The following PPFIBP2 variants were observed in gnomAD, a reference collection of about 807,000 sequenced individuals.
PPFIBP2 encodes liprin-beta-2.
A neutral mutation model predicts 118.3 loss-of-function variants in PPFIBP2; 118 were observed. The observed-to-expected ratio is 1.00, with a 90% CI of 0.86 to 1.16. The LOEUF is 1.16. PPFIBP2 is among the 50% of genes most tolerant of loss of function. PPFIBP2 has a pLI of 0.00. For missense variants in PPFIBP2, 1,195 were observed against 1,073.1 expected (o/e 1.11, Z -1.59); for synonymous variants, 414 against 397.4 (o/e 1.04, Z -0.50).
At chr11:7,601,013 G>A (rs555050158) in intron 5 of PPFIBP2, among the ~76,000 whole-genome samples, 1 of 152,286 alleles carries the variant, frequency 6.6e-6, no homozygotes, top group African/African-American at 2.4e-5. Context: ...AACTCCAGGG[G>A]GACTTGGGGA....
At chr11:7,582,776 C>T (rs772441007) in intron 3 of PPFIBP2, among the ~76,000 whole-genome samples, 6 of 152,044 alleles carry the variant, frequency 3.9e-5, no homozygotes, top group Non-Finnish European at 5.9e-5. Flanking sequence ...TCCCTTTCAC[C>T]GCAAAATGTA....
At chr11:7,545,009 G>A (rs1467102943) in intron 1 of PPFIBP2, among the ~76,000 whole-genome samples, 2 of 152,134 alleles carry the variant, frequency 1.3e-5, no homozygotes, top group African/African-American at 4.8e-5. Context: ...TGAACGCACT[G>A]CATGTCATCA....
At chr11:7,530,616 T>A (rs1850603686) in intron 1 of PPFIBP2, among the ~76,000 whole-genome samples, 2 of 152,242 alleles carry the variant, frequency 1.3e-5, no homozygotes, top group Non-Finnish European at 2.9e-5. Context: ...TGCTGGTGCC[T>A]TGATCCTGGG....
At chr11:7,609,972 T>C (rs957431782) in intron 5 of PPFIBP2, among the ~76,000 whole-genome samples, 1 of 152,202 alleles carries the variant, frequency 6.6e-6, no homozygotes, top group Non-Finnish European at 1.5e-5. Context: ...AATTGAGAAA[T>C]TTCGTTCTTT....
intron 9 of PPFIBP2, 77 bp from the exon 10 acceptor site, chr11:7,629,382 A>G: frequency 7.2e-7 from 1 of 1,381,620 alleles, no homozygotes; most frequent in Non-Finnish European, 1.0e-6. Context: ...TGCCAAGAAC[A>G]TAGCGTGGGT....
rs1307480543 is a variant in PPFIBP2, at chr11:7,549,563, C to T, written c.64+24C>T. 8 of 1,532,108 alleles carry T rather than the reference C, an allele frequency of 5.2e-6. No individual in the cohort carries two copies. The South Asian group carries it at 9.9e-5, about 19-fold the overall frequency. 94.9% of individuals were successfully genotyped at this position (1,532,108 alleles called of 1,614,324 possible). A position where few individuals can be genotyped will look rare whatever the true frequency, so the allele number is the denominator to read the frequency against. On this transcript the variant is annotated intron_variant, in intron 2 of 23. Coordinates refer to ENST00000299492, the MANE Select transcript of PPFIBP2 (RefSeq NM_003621.5). ...AGGTACGCCCAGGGAACCCCAGCAA[C>T]CAAGGTCTCATCCTCCACATTCCAG...
intron 2 of PPFIBP2, 79 bp from the exon 3 acceptor site, chr11:7,565,474 C>T: frequency 1.4e-6 from 2 of 1,449,492 alleles, no homozygotes; most frequent in South Asian, 1.2e-5. Context: ...ACCGTTTCTT[C>T]ACCACCTTTG....
At chr11:7,580,578 C>T (rs2135010963) in intron 3 of PPFIBP2, among the ~76,000 whole-genome samples, 1 of 152,148 alleles carries the variant, frequency 6.6e-6, no homozygotes, top group Non-Finnish European at 1.5e-5. Flanking sequence ...AATCTTGCTC[C>T]AGGGCCTGTG....
chr11:7,550,297 C>G (rs143241491), intron 2 of PPFIBP2, among the ~76,000 whole-genome samples: 329 of 152,304 alleles, frequency 2.2e-3, no homozygotes, highest in African/African-American at 7.5e-3. Context: ...TGGAACTTTG[C>G]TCTTCATTGT....
At chr11:7,628,604 G>A (rs376267875) in intron 9 of PPFIBP2, among the ~76,000 whole-genome samples, 111 of 152,120 alleles carry the variant, frequency 7.3e-4, no homozygotes, top group African/African-American at 2.4e-3. Flanking sequence ...GGTGTGGGGG[G>A]AAAAAAATAC....
At chr11:7,536,635 G>T (rs970896403) in intron 1 of PPFIBP2, among the ~76,000 whole-genome samples, 2 of 152,262 alleles carry the variant, frequency 1.3e-5, no homozygotes, top group Admixed American at 6.5e-5. Context: ...TTTGCAGAGG[G>T]AGTCTGACAC....
At chr11:7,642,451 G>GATCTCCCTGCTCTGAAAAAGAAGT (rs1852336731) in intron 17 of PPFIBP2, 25 bp downstream of exon 17, 13 of 1,599,508 alleles carry the variant, frequency 8.1e-6, no homozygotes, top group Middle Eastern at 1.7e-4. Context: ...ACTTTCCTTT[G>GATCTCCCTGCTCTGAAAAAGAAGT]ATCTCCCTGC....
At position 7,525,633 on chromosome 11, in the gene PPFIBP2, G is replaced by A. The variant is rs555124415; in HGVS notation, c.-37+11512G>A. On this transcript the variant is annotated intron_variant, in intron 1 of 23. Transcript: ENST00000299492. ...GTACAGGACAAAAGCAGCAAACAGCGCAGAGTCCAAACCAGCTGGATGAGA... is the reference window on the plus strand; with the variant it reads ...GTACAGGACAAAAGCAGCAAACAGCACAGAGTCCAAACCAGCTGGATGAGA... 3.3e-5 allele frequency among the ~76,000 whole-genome samples: 5 copies of A among 152,332 alleles called. No individual in the cohort carries two copies. In the South Asian group the frequency reaches 6.2e-4, roughly 19 times the overall value.
chr11:7,531,389 C>A (rs571700092), intron 1 of PPFIBP2, among the ~76,000 whole-genome samples: 1 of 152,286 alleles, frequency 6.6e-6, no homozygotes, highest in East Asian at 1.9e-4. Context: ...GCTGCAGGAT[C>A]TTAGGGTTTC....
chr11:7,649,525 C>T lies in PPFIBP2; in HGVS notation c.1999-7C>T, dbSNP rs769211305. On this transcript the variant is annotated splice_region_variant and splice_polypyrimidine_tract_variant and intron_variant, in intron 20 of 23. Transcript: ENST00000299492. ...TCTGGTTTATAAACCAAACTTTCCT[C>T]TTTCAGAACGATTTACTCTTCTTAA... 6.2e-7 allele frequency: 1 copy of T among 1,614,120 alleles called. No homozygotes were observed. Among genetic ancestry groups the T allele is most frequent in the South Asian group, 1.1e-5 (1 of 91,058 alleles).
intron 3 of PPFIBP2, among the ~76,000 whole-genome samples, chr11:7,584,255 C>T (rs965813374): frequency 1.3e-5 from 2 of 152,154 alleles, no homozygotes; most frequent in East Asian, 1.9e-4. Flanking sequence ...GAACATTGGT[C>T]AACCAAGAAG....
At chr11:7,532,900 G>A (rs1043629766) in intron 1 of PPFIBP2, among the ~76,000 whole-genome samples, 5 of 152,200 alleles carry the variant, frequency 3.3e-5, no homozygotes, top group African/African-American at 1.2e-4. Flanking sequence ...TTCAATTAGT[G>A]TTTACCTCCA....
intron 17 of PPFIBP2, among the ~76,000 whole-genome samples, chr11:7,644,893 G>A (rs952124884): frequency 3.3e-5 from 5 of 151,328 alleles, no homozygotes; most frequent in South Asian, 2.1e-4. Flanking sequence ...CGGGCGTGGT[G>A]GCGGGCGCCT....
At chr11:7,556,952 C>T (rs545527795) in intron 2 of PPFIBP2, among the ~76,000 whole-genome samples, 1 of 152,306 alleles carries the variant, frequency 6.6e-6, no homozygotes, top group Admixed American at 6.5e-5. Flanking sequence ...TCTTGGGACT[C>T]AGTGAGTGTC....
Sources: gnomAD v4.1 joint callset for allele counts (sites outside exome capture counted in the v4.1 genomes callset) on GRCh38, gnomAD v4.1.1 for gene constraint, MANE v1.5 for transcripts, NCBI Gene and HGNC (gene_info 2026-07-23, HGNC 2026-07-21) for gene names.